SPATS2: variants seen among roughly 807,000 people sequenced by gnomAD.
SPATS2 encodes spermatogenesis-associated serine-rich protein 2.
Under a neutral mutation model 63.7 loss-of-function variants are expected in SPATS2, and 38 were observed. That is an observed-to-expected ratio of 0.60 (90% CI 0.46 to 0.78). The LOEUF is 0.78. Among genes scored for constraint, SPATS2 ranks in the 30% least tolerant of loss-of-function variants. SPATS2 has a pLI of 0.00. For missense variants in SPATS2, 588 were observed against 666.2 expected (o/e 0.88, Z 1.29); for synonymous variants, 207 against 232.9 (o/e 0.89, Z 1.01).
rs573543983 is a variant in SPATS2, at chr12:49,476,888, C to T, written c.26-7702C>T. Among the ~76,000 whole-genome samples the T allele has an allele frequency of 9.2e-5, 14 of 152,278 alleles. No individual in the cohort carries two copies. The South Asian group carries it at 2.7e-3, about 29-fold the overall frequency. ...TGGGAGGCCGAGGCGGGCGGATCGC[C>T]TGAGGTCAGGAGTTTGAAACCAGCC... On this transcript the variant is annotated intron_variant, in intron 3 of 13. Coordinates refer to ENST00000552918, the MANE Select transcript of SPATS2 (RefSeq NM_023071.4).
intron 2 of SPATS2, among the ~76,000 whole-genome samples, chr12:49,444,215 TG>T (rs112691611): frequency 0.2 from 29,923 of 150,686 alleles, 4,298 homozygotes; most frequent in African/African-American, 0.42. Flanking sequence ...GTTTTGTTGT[TG>T]TTTTTTTTTT....
intron 9 of SPATS2, among the ~76,000 whole-genome samples, chr12:49,506,806 G>A (rs569998861): frequency 2.6e-5 from 4 of 151,364 alleles, no homozygotes; most frequent in Non-Finnish European, 4.4e-5. Flanking sequence ...GTACTCCCAC[G>A]CTGGGTGACA....
At chr12:49,415,671 G>A (rs1382137816) in intron 2 of SPATS2, among the ~76,000 whole-genome samples, 1 of 152,052 alleles carries the variant, frequency 6.6e-6, no homozygotes, top group Non-Finnish European at 1.5e-5. Context: ...TTCAGCTTCC[G>A]GTAACGCTTT....
chr12:49,448,568 C>T (rs149599379), intron 2 of SPATS2, among the ~76,000 whole-genome samples: 239 of 151,568 alleles, frequency 1.6e-3, no homozygotes, highest in African/African-American at 5.4e-3. Context: ...TGGTGAAACC[C>T]CATCTCTACA....
chr12:49,444,837 C>T (rs1042371499), intron 2 of SPATS2, among the ~76,000 whole-genome samples: 12 of 151,574 alleles, frequency 7.9e-5, no homozygotes, highest in African/African-American at 2.7e-4. Context: ...CTCCTGATCT[C>T]TGGTGATCCA....
At chr12:49,516,155 AAAAAAAAAAAAATATATAT>A (rs1175302652) in intron 10 of SPATS2, among the ~76,000 whole-genome samples, 2 of 45,878 alleles carry the variant, frequency 4.4e-5, no homozygotes, top group Admixed American at 4.0e-4. Context: ...AAAAAAAAAA[AAAAAAAAAAAAATATATAT>A]ATATATATAT....
intron 1 of SPATS2, among the ~76,000 whole-genome samples, chr12:49,369,300 T>C (rs1943959402): frequency 6.6e-6 from 1 of 152,144 alleles, no homozygotes; most frequent in South Asian, 2.1e-4. Context: ...GTGTTGGGAT[T>C]ACAGGCGTGA....
chr12:49,398,490 G>C (rs1426708104), intron 2 of SPATS2, among the ~76,000 whole-genome samples: 1 of 152,090 alleles, frequency 6.6e-6, no homozygotes, highest in Non-Finnish European at 1.5e-5. Flanking sequence ...TAGGTTAGGC[G>C]GGATTGTATT....
chr12:49,488,364 A>T (rs1168307984), intron 4 of SPATS2, among the ~76,000 whole-genome samples: 1 of 152,056 alleles, frequency 6.6e-6, no homozygotes, highest in African/African-American at 2.4e-5. Context: ...GTCTCAAAAA[A>T]TATGAAATAC....
At chr12:49,379,200 G>A (rs1282359478) in intron 2 of SPATS2, among the ~76,000 whole-genome samples, 1 of 151,546 alleles carries the variant, frequency 6.6e-6, no homozygotes, top group Non-Finnish European at 1.5e-5. Context: ...GATTACAGGT[G>A]TGAGCCACTG....
rs1405398086 is a variant in SPATS2 at position 49,442,063 on chromosome 12, G to T, written c.-243-18707G>T. Among the ~76,000 whole-genome samples, 3 of 152,096 alleles carry T rather than the reference G, an allele frequency of 2.0e-5. No homozygotes were observed. The East Asian group carries it at 5.8e-4, about 29-fold the overall frequency. On this transcript the variant is annotated intron_variant, in intron 2 of 13. Coordinates refer to ENST00000552918, the MANE Select transcript of SPATS2 (RefSeq NM_023071.4). ...GTTCAAGAATTGAATGCACAACTCTGACTCCACATTGCCATTGAGTATTGC... is the reference window on the plus strand; with the variant it reads ...GTTCAAGAATTGAATGCACAACTCTTACTCCACATTGCCATTGAGTATTGC...
intron 2 of SPATS2, among the ~76,000 whole-genome samples, chr12:49,380,978 G>A (rs968751831): frequency 3.3e-5 from 5 of 151,384 alleles, no homozygotes; most frequent in Non-Finnish European, 7.4e-5. Flanking sequence ...TTTCCATAGC[G>A]GCTGTACCAT....
At chr12:49,521,754 A>C (rs1354242549) in intron 11 of SPATS2, among the ~76,000 whole-genome samples, 1 of 152,156 alleles carries the variant, frequency 6.6e-6, no homozygotes, top group African/African-American at 2.4e-5. Context: ...TTGTTTCAGA[A>C]TTAATCTCAG....
chr12:49,444,052 T>C (rs1945469409), intron 2 of SPATS2, among the ~76,000 whole-genome samples: 1 of 152,248 alleles, frequency 6.6e-6, no homozygotes, highest in Non-Finnish European at 1.5e-5. Flanking sequence ...ATTACGCTTA[T>C]AAATTAAATT....
chr12:49,482,332 G>C (rs1946220241), intron 3 of SPATS2, among the ~76,000 whole-genome samples: 1 of 152,168 alleles, frequency 6.6e-6, no homozygotes. Context: ...GTAAGGTAGG[G>C]GACTTTTATT....
At position 49,514,331 on chromosome 12, in the gene SPATS2, C is replaced by T; in HGVS notation, c.840-224C>T. ...GTACTGCTGCAATGTACCAATATTGCAATATAAAAGGGAATTGGGTCTATT... is the reference window on the plus strand; with the variant it reads ...GTACTGCTGCAATGTACCAATATTGTAATATAAAAGGGAATTGGGTCTATT... On this transcript the variant is annotated intron_variant, in intron 9 of 13. Transcript: ENST00000552918. 1.0e-5 allele frequency: 5 copies of T among 481,818 alleles called. No individual in the cohort carries two copies. The South Asian group carries it at 1.4e-4, about 14-fold the overall frequency. The allele number at this position is 481,818 out of a possible 1,614,324, so 29.8% of individuals were successfully genotyped here.
intron 10 of SPATS2, among the ~76,000 whole-genome samples, 189 bp downstream of exon 10, chr12:49,514,802 A>T (rs1172714194): frequency 2.0e-5 from 3 of 152,220 alleles, no homozygotes; most frequent in Non-Finnish European, 4.4e-5. Flanking sequence ...AGCCTGTTTT[A>T]AAAATATTTC....
At chr12:49,440,674 A>G (rs559869588) in intron 2 of SPATS2, among the ~76,000 whole-genome samples, 2 of 152,118 alleles carry the variant, frequency 1.3e-5, no homozygotes, top group African/African-American at 2.4e-5. Context: ...TCACCATGTT[A>G]GCCAGGATGG....
intron 10 of SPATS2, among the ~76,000 whole-genome samples, chr12:49,515,329 C>T (rs1946820881): frequency 6.6e-6 from 1 of 152,182 alleles, no homozygotes; most frequent in African/African-American, 2.4e-5. Flanking sequence ...ATTTCGGTGG[C>T]AGGTTTTATC....
Sources: allele counts gnomAD v4.1 joint callset (sites outside exome capture counted in the v4.1 genomes callset), GRCh38; gene constraint gnomAD v4.1.1; transcripts MANE v1.5; gene names NCBI Gene and HGNC (gene_info 2026-07-23, HGNC 2026-07-21).